LCLAT1: variants seen among roughly 807,000 people sequenced by gnomAD.
The protein encoded by LCLAT1 is lysocardiolipin acyltransferase 1.
In LCLAT1, 11 loss-of-function variants were observed where a neutral mutation model predicts 30.7. The ratio of observed to expected loss-of-function variants is 0.36; its 90% CI spans 0.23 to 0.59. The LOEUF (loss-of-function observed/expected upper bound fraction) is 0.59, where lower values mean the gene tolerates loss of function less well. Ranked by LOEUF, LCLAT1 falls within the 20% of genes least tolerant of loss-of-function variation. The pLI, the probability that LCLAT1 is intolerant of heterozygous loss-of-function variation, is 0.77. For synonymous variants in LCLAT1, 155 were observed against 151.3 expected (o/e 1.02, Z -0.18); for missense variants, 402 against 458.6 (o/e 0.88, Z 1.13).
intron 5 of LCLAT1, among the ~76,000 whole-genome samples, chr2:30,573,447 C>T (rs1275098738): frequency 6.6e-6 from 1 of 152,156 alleles, no homozygotes; most frequent in South Asian, 2.1e-4. Flanking sequence ...AGTAAGGTCT[C>T]ACAGAATTCC....
intron 5 of LCLAT1, among the ~76,000 whole-genome samples, chr2:30,599,182 A>T (rs1001638659): frequency 6.6e-6 from 1 of 152,004 alleles, no homozygotes; most frequent in East Asian, 1.9e-4. Context: ...GGGTTTCACC[A>T]TGTTCGCCAG....
intron 3 of LCLAT1, among the ~76,000 whole-genome samples, chr2:30,560,746 G>T (rs1665177650): frequency 6.6e-6 from 1 of 152,170 alleles, no homozygotes; most frequent in African/African-American, 2.4e-5. Flanking sequence ...TACGTTCTTT[G>T]TTTGCAAGGA....
In LCLAT1 at chr2:30,642,696, C is replaced by T. The variant is rs1669383678; in HGVS notation, c.*2077C>T. 2.0e-5 allele frequency: 3 copies of T among 151,026 alleles called. No individual in the cohort carries two copies. The South Asian group carries it at 6.3e-4, about 32-fold the overall frequency. The allele number at this position is 151,026 out of a possible 1,614,324, so 9.4% of individuals were successfully genotyped here. A position where few individuals can be genotyped will look rare whatever the true frequency, so the allele number is the denominator to read the frequency against. On this transcript the variant is annotated 3_prime_UTR_variant, in exon 6 of 6. Coordinates refer to ENST00000379509, the MANE Select transcript of LCLAT1 (RefSeq NM_001002257.3). ...GCTTTGAAACCTTTAGAGGGAAGAT[C>T]CTCATTTTTTACAATTTTGTTCCTT...
At chr2:30,605,745 T>C (rs1242278849) in intron 5 of LCLAT1, among the ~76,000 whole-genome samples, 1 of 152,092 alleles carries the variant, frequency 6.6e-6, no homozygotes, top group East Asian at 1.9e-4. Flanking sequence ...ATCTAGCACC[T>C]AATAGAGAAA....
chr2:30,565,598 T>C (rs1273984672), intron 4 of LCLAT1, among the ~76,000 whole-genome samples: 2 of 152,180 alleles, frequency 1.3e-5, no homozygotes, highest in Non-Finnish European at 1.5e-5. Context: ...AATTATGTTA[T>C]TGCATATAAC....
At chr2:30,473,144 A>G (rs539174193) in intron 1 of LCLAT1, among the ~76,000 whole-genome samples, 21 of 152,344 alleles carry the variant, frequency 1.4e-4, no homozygotes, top group African/African-American at 5.1e-4. Flanking sequence ...TTATGTGTAT[A>G]GGAAAATTAT....
At chr2:30,555,159 A>G (rs1011010104) in intron 3 of LCLAT1, among the ~76,000 whole-genome samples, 2 of 152,186 alleles carry the variant, frequency 1.3e-5, no homozygotes, top group African/African-American at 4.8e-5. Flanking sequence ...ACAAATTTGT[A>G]TAGCTAGATT....
At chr2:30,481,105 G>A (rs860487) in intron 1 of LCLAT1, among the ~76,000 whole-genome samples, 126,600 of 152,024 alleles carry the variant, frequency 0.83, 52,879 homozygotes, top group East Asian at 0.94. Flanking sequence ...AGCCTGGACA[G>A]TTTGCACTAA....
intron 5 of LCLAT1, among the ~76,000 whole-genome samples, chr2:30,611,187 C>T (rs1161852896): frequency 6.6e-6 from 1 of 150,544 alleles, no homozygotes; most frequent in Admixed American, 6.6e-5. Flanking sequence ...GTCTTTCCTG[C>T]TTCATTATAT....
chr2:30,604,057 A>G (rs1301796111), intron 5 of LCLAT1, among the ~76,000 whole-genome samples: 1 of 148,248 alleles, frequency 6.7e-6, no homozygotes, highest in Non-Finnish European at 1.5e-5. Context: ...AAGAATTATG[A>G]TATAACTATA....
intron 1 of LCLAT1, among the ~76,000 whole-genome samples, chr2:30,451,050 A>G (rs921122796): frequency 1.3e-5 from 2 of 152,244 alleles, no homozygotes; most frequent in Non-Finnish European, 2.9e-5. Flanking sequence ...TTAAAAATGC[A>G]TAGATGTCTT....
chr2:30,586,073 C>T (rs1666420353), intron 5 of LCLAT1, among the ~76,000 whole-genome samples: 1 of 151,902 alleles, frequency 6.6e-6, no homozygotes, highest in South Asian at 2.1e-4. Context: ...AACCCCATCT[C>T]TACTAAAAAA....
At chr2:30,525,178 C>T (rs1685649888) in intron 1 of LCLAT1, among the ~76,000 whole-genome samples, 6 of 151,890 alleles carry the variant, frequency 4.0e-5, no homozygotes. Flanking sequence ...GATCTTGGCT[C>T]ACTGTAACAT....
At chr2:30,544,492 C>G (rs1328471479) in intron 3 of LCLAT1, among the ~76,000 whole-genome samples, 1 of 152,132 alleles carries the variant, frequency 6.6e-6, no homozygotes, top group African/African-American at 2.4e-5. Flanking sequence ...TAGTTTTTCT[C>G]AAAATATAAA....
chr2:30,521,484 T>A (rs1170508834), intron 1 of LCLAT1, among the ~76,000 whole-genome samples: 6 of 22,824 alleles, frequency 2.6e-4, no homozygotes, highest in African/African-American at 3.5e-4. Flanking sequence ...CCCCCTAAAC[T>A]ACTTCTTCTT....
chr2:30,626,662 TTTTCTC>T (rs1668524955), intron 5 of LCLAT1, among the ~76,000 whole-genome samples: 1 of 152,052 alleles, frequency 6.6e-6, no homozygotes, highest in South Asian at 2.1e-4. Flanking sequence ...TCTTTAGTAA[TTTTCTC>T]TTTCTCTTTC....
chr2:30,528,676 A>G (rs1003890156), intron 2 of LCLAT1, among the ~76,000 whole-genome samples: 1 of 152,224 alleles, frequency 6.6e-6, no homozygotes. Flanking sequence ...ATTTTCAAAG[A>G]TAATTTCACC....
chr2:30,540,887 A>G (rs1437630496), intron 3 of LCLAT1, among the ~76,000 whole-genome samples: 1 of 149,186 alleles, frequency 6.7e-6, no homozygotes, highest in African/African-American at 2.5e-5. Flanking sequence ...CTGGTCTTGA[A>G]CTCCTGACCT....
intron 3 of LCLAT1, 31 bp from the exon 4 acceptor site, chr2:30,562,115 T>C (rs754420718): frequency 6.5e-7 from 1 of 1,527,932 alleles, no homozygotes; most frequent in Admixed American, 1.8e-5. Context: ...AATAAAATTA[T>C]AGGTAAATTT....
Sources: allele counts gnomAD v4.1 joint callset (sites outside exome capture counted in the v4.1 genomes callset), GRCh38; gene constraint gnomAD v4.1.1; transcripts MANE v1.5; gene names NCBI Gene and HGNC (gene_info 2026-07-23, HGNC 2026-07-21).